KIF26A: variants seen among roughly 807,000 people sequenced by gnomAD.
The protein encoded by KIF26A is kinesin family member 26A.
KIF26A carries 74 observed loss-of-function variants against 126.0 expected under a neutral mutation model. That is an observed-to-expected ratio of 0.59 (90% CI 0.49 to 0.71). KIF26A has a LOEUF of 0.71. Ranked by LOEUF, KIF26A falls within the 30% of genes least tolerant of loss-of-function variation. The probability of loss-of-function intolerance (pLI) is 0.00; values close to 1 mark genes in which losing one functional copy is unlikely to be tolerated. For missense variants in KIF26A, 2,984 were observed against 2,763.3 expected, an observed-to-expected ratio of 1.08 and a Z score of -1.79; for synonymous variants, 1,445 against 1,232.7, an observed-to-expected ratio of 1.17 and a Z score of -3.61.
Position 104,178,053 on chromosome 14 carries a change from C to T in KIF26A, c.5110+155C>T, listed in dbSNP as rs369150252. ...CACAGCCGTGGACGGTTTACAGACTCGCCTGGGGCTTTTTGTGTGTGGAGG... is the reference window on the plus strand; with the variant it reads ...CACAGCCGTGGACGGTTTACAGACTTGCCTGGGGCTTTTTGTGTGTGGAGG... On this transcript the variant is annotated intron_variant, in intron 12 of 14. Transcript: ENST00000423312. Among the ~76,000 whole-genome samples, 144 of 152,346 alleles carry T rather than the reference C, an allele frequency of 9.5e-4. 1 individual carries two copies. The highest frequency in any genetic ancestry group is 1.6e-3 in the Non-Finnish European group (111 of 68,026).
intron 2 of KIF26A, among the ~76,000 whole-genome samples, chr14:104,149,032 G>A (rs2037704402): frequency 6.6e-6 from 1 of 152,220 alleles, no homozygotes; most frequent in Admixed American, 6.5e-5. Flanking sequence ...TGTTCTACCC[G>A]AGCAGTCTGT....
At chr14:104,172,033 G>T (rs945072321) in intron 6 of KIF26A, 98 bp downstream of exon 6, 11 of 1,186,702 alleles carry the variant, frequency 9.3e-6, no homozygotes, top group South Asian at 1.5e-5. Flanking sequence ...CGTGCAGGGC[G>T]CAGAGGAAGC....
At chr14:104,142,689 C>G (rs956198782) in intron 2 of KIF26A, among the ~76,000 whole-genome samples, 8 of 152,316 alleles carry the variant, frequency 5.3e-5, no homozygotes, top group African/African-American at 1.9e-4. Flanking sequence ...TAAGGCCCCC[C>G]TCGCTTCCCC....
intron 7 of KIF26A, 25 bp from the exon 8 acceptor site, chr14:104,172,952 G>A (rs1340758984): frequency 6.4e-7 from 1 of 1,564,538 alleles, no homozygotes; most frequent in Non-Finnish European, 8.7e-7. Context: ...TGTGTGGTGG[G>A]GCCTGACGCC....
chr14:104,139,807 C>G (rs2141085894), intron 2 of KIF26A, among the ~76,000 whole-genome samples: 1 of 152,330 alleles, frequency 6.6e-6, no homozygotes, highest in South Asian at 2.1e-4. Flanking sequence ...AGGATAAGAA[C>G]TGTTGTCCCA....
rs2038074826 is a variant in KIF26A at position 104,179,364 on chromosome 14, G to T, written c.5445G>T (p.Glu1815Asp). The T allele has an allele frequency of 5.2e-6, 8 of 1,533,754 alleles. 1 individual carries two copies. The South Asian group carries it at 7.3e-5, about 14-fold the overall frequency. Residue 1815 changes from glutamate (E) to aspartate (D), a missense_variant, in exon 14 of 15, where the codon GAG (glutamate) becomes GAT (aspartate). By Grantham distance (45) the Glu-to-Asp change is conservative (BLOSUM62 2). Transcript: ENST00000423312. ...LAETQGRLMLEPGRWLEQFEV... is the reference protein window; with the variant it reads ...LAETQGRLMLDPGRWLEQFEV... Reference sequence around the variant, plus strand: ...AGACCCAGGGCCGGCTGATGCTGGAGCCTGGCCGCTGGCTGGAGCAGTGTG... The same window carrying T: ...AGACCCAGGGCCGGCTGATGCTGGATCCTGGCCGCTGGCTGGAGCAGTGTG...
At chr14:104,155,829 C>T (rs941574579) in intron 3 of KIF26A, among the ~76,000 whole-genome samples, 1 of 152,076 alleles carries the variant, frequency 6.6e-6, no homozygotes, top group African/African-American at 2.4e-5. Flanking sequence ...GAGTGGCTGG[C>T]CTGAGATGGG....
intron 3 of KIF26A, among the ~76,000 whole-genome samples, chr14:104,157,276 C>T (rs1047814487): frequency 6.6e-5 from 10 of 152,330 alleles, no homozygotes; most frequent in South Asian, 2.1e-4. Context: ...CACACATCAC[C>T]GTACGTGGGG....
Position 104,152,499 on chromosome 14 carries a change from C to T in KIF26A, c.735+38C>T, listed in dbSNP as rs1278735032. ...CTCAGCGGATGGGAGCTGCTGGCCT[C>T]CTTGTCAGAACTGGGCTTCCTTCGG... On this transcript the variant is annotated intron_variant, in intron 3 of 14. Transcript: ENST00000423312. The surrounding 1 kb of genome is among the most constrained non-coding windows in gnomAD (Gnocchi z 5.9). 1.3e-6 allele frequency: 2 copies of T among 1,503,550 alleles called. No homozygotes were observed. Among genetic ancestry groups the T allele is most frequent in the Non-Finnish European group, 1.8e-6 (2 of 1,128,058 alleles). 93.1% of individuals were successfully genotyped at this position (1,503,550 alleles called of 1,614,324 possible). A position where few individuals can be genotyped will look rare whatever the true frequency, so the allele number is the denominator to read the frequency against.
chr14:104,167,506 G>A lies in KIF26A; in HGVS notation c.1113+458G>A, dbSNP rs551991253. Among the ~76,000 whole-genome samples the A allele has an allele frequency of 6.1e-4, 93 of 152,252 alleles. 2 individuals are homozygous for A. The South Asian group carries it at 0.015, about 25-fold the overall frequency. On this transcript the variant is annotated intron_variant, in intron 5 of 14. Transcript: ENST00000423312. The stretch of plus-strand genomic sequence containing the variant: ...CGTGATGGGTTGATTCTGGCGCCGC[G>A]CTCCACATGGGAAGACTGCCGCCTG...
At chr14:104,146,353 T>C (rs1038453570) in intron 2 of KIF26A, among the ~76,000 whole-genome samples, 1 of 151,866 alleles carries the variant, frequency 6.6e-6, no homozygotes, top group Non-Finnish European at 1.5e-5. Context: ...TTTGGTGTTG[T>C]GGGAGGGGCT....
At chr14:104,179,160 G>C (rs1174954909) in intron 13 of KIF26A, 76 bp from the exon 14 acceptor site, 1 of 1,372,120 alleles carries the variant, frequency 7.3e-7, no homozygotes, top group Admixed American at 3.3e-5. Context: ...AGGGAGGCGG[G>C]GGCCACATCA....
rs1280331570 is a variant in KIF26A at position 104,151,967 on chromosome 14, C to T, written c.289-48C>T. 3.2e-6 allele frequency: 5 copies of T among 1,573,170 alleles called. No homozygotes were observed. The South Asian group carries it at 3.3e-5, about 10-fold the overall frequency. Reference sequence around the variant, plus strand: ...GTGCTGGTGGGCTCTGGGTGCCGGCCCTCCCTCCCCAGGCACTGACCCTGC... The same window carrying T: ...GTGCTGGTGGGCTCTGGGTGCCGGCTCTCCCTCCCCAGGCACTGACCCTGC... On this transcript the variant is annotated intron_variant, in intron 2 of 14. Coordinates refer to ENST00000423312, the MANE Select transcript of KIF26A (RefSeq NM_015656.2). This position sits in a 1 kb window ranked among gnomAD's most constrained non-coding sequence, Gnocchi z 4.9.
At chr14:104,174,030 C>T (rs1289131521) in intron 10 of KIF26A, 118 bp from the exon 11 acceptor site, 17 of 1,405,004 alleles carry the variant, frequency 1.2e-5, no homozygotes, top group Admixed American at 5.5e-5. Flanking sequence ...TGGGGCCCCA[C>T]GCTGGGCTGG....
chr14:104,159,177 G>A (rs935452098), intron 4 of KIF26A, among the ~76,000 whole-genome samples: 9 of 152,190 alleles, frequency 5.9e-5, no homozygotes, highest in Admixed American at 5.2e-4. Flanking sequence ...ATTAGGTGCC[G>A]AGAGCACGGC....
rs1201756235 is a variant in KIF26A at position 104,148,041 on chromosome 14, C to T, written c.289-3974C>T. On this transcript the variant is annotated intron_variant, in intron 2 of 14. Coordinates refer to ENST00000423312, the MANE Select transcript of KIF26A (RefSeq NM_015656.2). This position sits in a 1 kb window ranked among gnomAD's most constrained non-coding sequence, Gnocchi z 4.3. ...GCTGTCCCAGGGTGGCCTTACCTGG[C>T]GGGGAGGTTTGATCAGCTGTTCTTT... Among the ~76,000 whole-genome samples the T allele has an allele frequency of 2.6e-5, 4 of 152,250 alleles. No individual in the cohort carries two copies. Among genetic ancestry groups the T allele is most frequent in the Middle Eastern group, 3.4e-3 (1 of 294 alleles).
chr14:104,175,458 G>A lies in KIF26A; in HGVS notation c.2670G>A (p.Val890=), dbSNP rs1317395703. The change falls in exon 12 of 15, where the codon GTG becomes GTA. Residue 890 remains valine, a synonymous_variant. Coordinates refer to ENST00000423312, the MANE Select transcript of KIF26A (RefSeq NM_015656.2). ...AGGCTGCATCCCCCAGGAAGGCCGT[G>A]GGCACCCCGATGGCTGCCAGCACCC... The part of the protein sequence containing the change: ...PPEAASPRKA[V]GTPMAASTPR... The A allele has an allele frequency of 1.3e-6, 2 of 1,591,362 alleles. No individual in the cohort carries two copies. The highest frequency in any genetic ancestry group is 1.7e-6 in the Non-Finnish European group (2 of 1,176,252).
intron 3 of KIF26A, among the ~76,000 whole-genome samples, chr14:104,153,601 A>G (rs112872591): frequency 5.5e-4 from 60 of 109,796 alleles, no homozygotes; most frequent in Non-Finnish European, 1.1e-3. Flanking sequence ...CCCAGAGCCG[A>G]ACCCCACCCT....
In KIF26A at chr14:104,160,673, C is replaced by T. The variant is rs560051884; in HGVS notation, c.923+2731C>T. On this transcript the variant is annotated intron_variant, in intron 4 of 14. Transcript: ENST00000423312. ...GGTGACCCCCAGGGTTAGGAGTTCC[C>T]TGAAGGTTCTGGCAACTCTGATGAC... Among the ~76,000 whole-genome samples, 3 of 152,292 alleles carry T rather than the reference C, an allele frequency of 2.0e-5. No homozygotes were observed. In the South Asian group the frequency reaches 6.2e-4, roughly 32 times the overall value.
Sources: allele counts gnomAD v4.1 joint callset (sites outside exome capture counted in the v4.1 genomes callset), GRCh38; gene constraint gnomAD v4.1.1; non-coding constraint Gnocchi (gnomAD v3.1); transcripts MANE v1.5; gene names NCBI Gene and HGNC (gene_info 2026-07-23, HGNC 2026-07-21).